The following PDE3A variants were observed in gnomAD, a reference collection of about 807,000 sequenced individuals.
The protein encoded by PDE3A is cGMP-inhibited 3',5'-cyclic phosphodiesterase 3A.
PDE3A carries 43 observed loss-of-function variants against 98.3 expected under a neutral mutation model. That is an observed-to-expected ratio of 0.44 (90% CI 0.34 to 0.56). The LOEUF (loss-of-function observed/expected upper bound fraction) is 0.56, where lower values mean the gene tolerates loss of function less well. PDE3A is among the 20% of genes least tolerant of loss of function. The pLI is 0.01. For synonymous variants in PDE3A, 663 were observed against 567.9 expected (o/e 1.17, Z -2.38); for missense variants, 1,427 against 1,440.7 (o/e 0.99, Z 0.15).
Position 20,450,074 on chromosome 12 carries a change from GCCTTCTGCTGGTGC to G in PDE3A, c.960+79832_960+79845del, listed in dbSNP as rs1183326368. ...CATATTTCTTCAAGCTCCTTCATCA[GCCTTCTGCTGGTGC>G]CGTCTTGGATTTGATGCTGCTCCTT... On this transcript the variant is annotated intron_variant, in intron 1 of 15. Coordinates refer to ENST00000359062, the MANE Select transcript of PDE3A (RefSeq NM_000921.5). The G allele has an allele frequency of 5.3e-6, 3 of 561,610 alleles. No individual in the cohort carries two copies. The African/African-American group carries it at 5.8e-5, about 11-fold the overall frequency. The allele number at this position is 561,610 out of a possible 1,614,324, so 34.8% of individuals were successfully genotyped here.
intron 1 of PDE3A, among the ~76,000 whole-genome samples, chr12:20,514,253 AT>A (rs570426994): frequency 2.2e-4 from 34 of 152,352 alleles, no homozygotes; most frequent in African/African-American, 7.9e-4. Flanking sequence ...TTAGTTTCAA[AT>A]CATCCTAGGA....
At chr12:20,651,045 A>G (rs530554339) in intron 14 of PDE3A, among the ~76,000 whole-genome samples, 1 of 152,332 alleles carries the variant, frequency 6.6e-6, no homozygotes, top group African/African-American at 2.4e-5. Flanking sequence ...ATGTACATGG[A>G]ATAGTTTATA....
intron 15 of PDE3A, among the ~76,000 whole-genome samples, chr12:20,668,059 C>T (rs989649873): frequency 6.6e-6 from 1 of 152,150 alleles, no homozygotes; most frequent in South Asian, 2.1e-4. Flanking sequence ...TCAGGGAGTT[C>T]CCTTTCCCAG....
At chr12:20,418,750 G>A (rs4762956) in intron 1 of PDE3A, among the ~76,000 whole-genome samples, 69,863 of 151,550 alleles carry the variant, frequency 0.46, 17,252 homozygotes, top group Non-Finnish European at 0.54. Context: ...TATTGTGTTA[G>A]TTTTCCCACA....
chr12:20,634,849 G>A (rs1445387965), intron 7 of PDE3A, 53 bp from the exon 8 acceptor site: 1 of 1,418,594 alleles, frequency 7.0e-7, no homozygotes, highest in South Asian at 1.2e-5. Context: ...GCTTAAATGA[G>A]CCCCCTTTCC....
Position 20,369,403 on chromosome 12 carries a change from A to G in PDE3A, c.119A>G (p.Asp40Gly), listed in dbSNP as rs1458647786. The G allele has an allele frequency of 6.4e-6, 10 of 1,552,612 alleles. No homozygotes were observed. The highest frequency in any genetic ancestry group is 1.9e-5 in the Admixed American group (1 of 51,870). Residue 40 changes from aspartate to glycine, a missense_variant, in exon 1 of 16, where the codon GAC becomes GGC. Transcript: ENST00000359062. ...HHRADPASPR[D>G]SGCRGCWGDL... ...CGTGCGGACCCCGCATCGCCGCGGGACTCGGGCTGCCGTGGCTGCTGGGGA... is the reference window on the plus strand; with the variant it reads ...CGTGCGGACCCCGCATCGCCGCGGGGCTCGGGCTGCCGTGGCTGCTGGGGA...
chr12:20,528,110 T>G (rs993095875), intron 1 of PDE3A, among the ~76,000 whole-genome samples: 1 of 152,124 alleles, frequency 6.6e-6, no homozygotes, highest in African/African-American at 2.4e-5. Flanking sequence ...CCTGACAACT[T>G]TAATTGTTTC....
intron 2 of PDE3A, chr12:20,557,312 G>A (rs1942395559): frequency 6.6e-6 from 1 of 152,454 alleles, no homozygotes; most frequent in Non-Finnish European, 1.5e-5. Context: ...AGACAATGTG[G>A]ATTTGTTTTG....
At chr12:20,481,803 C>T (rs1945631937) in intron 1 of PDE3A, among the ~76,000 whole-genome samples, 1 of 96,316 alleles carries the variant, frequency 1.0e-5, no homozygotes, top group Admixed American at 1.7e-4. Context: ...AGTCTCTTGT[C>T]ACCCAGGCTG....
intron 1 of PDE3A, among the ~76,000 whole-genome samples, chr12:20,437,865 T>C (rs1944804863): frequency 1.3e-5 from 2 of 152,174 alleles, no homozygotes; most frequent in Admixed American, 6.5e-5. Context: ...ATGCCTTTGA[T>C]TGCATAGCTT....
intron 1 of PDE3A, among the ~76,000 whole-genome samples, chr12:20,425,356 A>G (rs1248225268): frequency 1.3e-5 from 2 of 152,172 alleles, no homozygotes; most frequent in Admixed American, 6.5e-5. Context: ...TCAAGTCTCA[A>G]CATGTGTCTC....
chr12:20,639,230 A>C (rs1432878272), intron 9 of PDE3A, among the ~76,000 whole-genome samples: 2 of 152,132 alleles, frequency 1.3e-5, no homozygotes, highest in African/African-American at 2.4e-5. Flanking sequence ...AATATTTTCT[A>C]AGAGTCATGG....
At chr12:20,594,654 A>G (rs533876457) in intron 2 of PDE3A, among the ~76,000 whole-genome samples, 1 of 151,972 alleles carries the variant, frequency 6.6e-6, no homozygotes, top group African/African-American at 2.4e-5. Flanking sequence ...GTGCCTTTCT[A>G]TAAGAATATT....
At chr12:20,496,981 A>T (rs1459431480) in intron 1 of PDE3A, among the ~76,000 whole-genome samples, 5 of 152,196 alleles carry the variant, frequency 3.3e-5, no homozygotes, top group Non-Finnish European at 7.3e-5. Flanking sequence ...TTGTACTTGA[A>T]TTCCACTTGC....
intron 1 of PDE3A, among the ~76,000 whole-genome samples, chr12:20,421,978 C>T (rs1399175668): frequency 1.3e-5 from 2 of 152,080 alleles, no homozygotes; most frequent in Non-Finnish European, 2.9e-5. Context: ...TATAAATTTC[C>T]TCTATAAGAA....
At chr12:20,390,624 A>G (rs1487783981) in intron 1 of PDE3A, among the ~76,000 whole-genome samples, 4 of 151,774 alleles carry the variant, frequency 2.6e-5, no homozygotes, top group Admixed American at 2.0e-4. Flanking sequence ...TGTTTATTTT[A>G]GTTTCGGGGT....
At position 20,368,829 on chromosome 12, in the gene PDE3A, C is replaced by A. The variant is rs1166042812; in HGVS notation, c.-456C>A. 5.3e-5 allele frequency among the ~76,000 whole-genome samples: 8 copies of A among 151,864 alleles called. No individual in the cohort carries two copies. Among genetic ancestry groups the A allele is most frequent in the African/African-American group, 1.9e-4 (8 of 41,374 alleles). On this transcript the variant is annotated 5_prime_UTR_variant, in exon 1 of 16. Transcript: ENST00000359062. ...CAGCGCAGCGCAGCGCCGAGCTGCG[C>A]CTCGGAATGGCCCGGAGCCCGCCCT...
In PDE3A at chr12:20,685,409, C is replaced by CAAAAAAAAAAAAAAAAAA. The variant is rs71442269; in HGVS notation, c.*5144_*5161dup. ...GGGCAACAGGAGTTAAATTTTGCCT[C>CAAAAAAAAAAAAAAAAAA]AAAAAAAAAAAAAAAAAAAAAAAGA... On this transcript the variant is annotated 3_prime_UTR_variant, in exon 16 of 16. Coordinates refer to ENST00000359062, the MANE Select transcript of PDE3A (RefSeq NM_000921.5). 1.4e-5 allele frequency among the ~76,000 whole-genome samples: 1 copy of CAAAAAAAAAAAAAAAAAA among 73,800 alleles called. No homozygotes were observed. The highest frequency in any genetic ancestry group is 6.0e-5 in the African/African-American group (1 of 16,552). 48.4% of individuals were successfully genotyped at this position (73,800 alleles called of 152,430 possible).
chr12:20,651,563 T>G (rs921519595), intron 14 of PDE3A, among the ~76,000 whole-genome samples: 1 of 152,172 alleles, frequency 6.6e-6, no homozygotes, highest in Non-Finnish European at 1.5e-5. Context: ...AAAAAAGGTA[T>G]GAATATACCA....
Sources: gnomAD v4.1 joint callset for allele counts (sites outside exome capture counted in the v4.1 genomes callset) on GRCh38, gnomAD v4.1.1 for gene constraint, MANE v1.5 for transcripts, NCBI Gene and HGNC (gene_info 2026-07-23, HGNC 2026-07-21) for gene names.